The following REL variants were observed in gnomAD, a reference collection of about 807,000 sequenced individuals.
The protein encoded by REL is REL proto-oncogene, NF-kB subunit.
A neutral mutation model predicts 45.9 loss-of-function variants in REL; 15 were observed. The observed-to-expected ratio is 0.33, with a 90% CI of 0.22 to 0.50. The LOEUF is 0.50. Ranked by LOEUF, REL falls within the 20% of genes least tolerant of loss-of-function variation. The probability of loss-of-function intolerance (pLI) is 0.98; values close to 1 mark genes in which losing one functional copy is unlikely to be tolerated. For synonymous variants in REL, 239 were observed against 242.1 expected (o/e 0.99, Z 0.12); for missense variants, 601 against 715.2 (o/e 0.84, Z 1.82).
chr2:60,917,001 C>G lies in REL; in HGVS notation c.519C>G (p.Asn173Lys), dbSNP rs763494226. 6.2e-7 allele frequency: 1 copy of G among 1,612,676 alleles called. No homozygotes were observed. Among genetic ancestry groups the G allele is most frequent in the Admixed American group, 1.7e-5 (1 of 59,960 alleles). ...LTTALPPVVS[N>K]PIYDNRAPNT... is the part of the protein sequence containing the mutation. ...CTGCTCTTCCTCCTGTTGTCTCGAA[C>G]CCAATTTATGACAACCGTAAGTACT... The change falls in exon 5 of 10, where the codon AAC becomes AAG. Residue 173 changes from asparagine (N) to lysine (K), a missense_variant. Around this residue, in one of 4 missense-constraint regions of REL, gnomAD observed 241 missense variants for 347.0 expected, o/e 0.69. Coordinates refer to ENST00000394479, the MANE Select transcript of REL (RefSeq NM_001291746.2).
intron 4 of REL, among the ~76,000 whole-genome samples, chr2:60,915,122 C>T (rs776903189): frequency 2.6e-5 from 4 of 152,122 alleles, no homozygotes; most frequent in African/African-American, 4.8e-5. Context: ...TGAGCCACCA[C>T]GCCTGGCCAG....
chr2:60,916,740 G>T (rs947401492), intron 4 of REL, 137 bp from the exon 5 acceptor site: 21 of 542,388 alleles, frequency 3.9e-5, no homozygotes, highest in Middle Eastern at 4.8e-4. Context: ...TCTTGAGATT[G>T]TATACTGTTC....
intron 1 of REL, among the ~76,000 whole-genome samples, chr2:60,885,341 C>G (rs1414795983): frequency 6.6e-6 from 1 of 152,104 alleles, no homozygotes; most frequent in Non-Finnish European, 1.5e-5. Context: ...GTGATTTGGT[C>G]TTGCCATTTG....
chr2:60,882,194 C>A (rs1210362192), intron 1 of REL, among the ~76,000 whole-genome samples: 1 of 152,116 alleles, frequency 6.6e-6, no homozygotes, highest in East Asian at 1.9e-4. Flanking sequence ...TGTTTTAGAA[C>A]AGGAATGAGG....
Position 60,922,159 on chromosome 2 carries a change from C to G in REL, c.1388C>G (p.Ser463Cys). 1.2e-6 allele frequency: 2 copies of G among 1,614,070 alleles called. No individual in the cohort carries two copies. Among genetic ancestry groups the G allele is most frequent in the Non-Finnish European group, 1.7e-6 (2 of 1,179,994 alleles). The change falls in exon 10 of 10, where the codon TCT (serine) becomes TGT (cysteine). Residue 463 changes from serine (S) to cysteine (C), a missense_variant. This residue lies in a region of REL where 334 missense variants were observed against 333.1 expected (regional missense o/e 1.00). Transcript: ENST00000394479. ...GATCCCAACATGCTGTCTAATTGTT[C>G]TGTGAATATGATGACAACCAGCAGT... ...ISDPNMLSNC[S>C]VNMMTTSSDS...
chr2:60,904,051 A>G (rs952409650), intron 4 of REL, among the ~76,000 whole-genome samples: 1 of 152,176 alleles, frequency 6.6e-6, no homozygotes, highest in African/African-American at 2.4e-5. Context: ...ATTTTATTTC[A>G]TTTAATCCTT....
Position 60,923,142 on chromosome 2 carries a change from A to G in REL, c.*607A>G, listed in dbSNP as rs1417357695. On this transcript the variant is annotated 3_prime_UTR_variant, in exon 10 of 10. Transcript: ENST00000394479. ...AAGCAAATTTAAGATAAAACTTGTAATGGCTATGCCATTGAAAAACTTAAT... is the reference window on the plus strand; with the variant it reads ...AAGCAAATTTAAGATAAAACTTGTAGTGGCTATGCCATTGAAAAACTTAAT... 1 of 191,394 alleles carries G rather than the reference A, an allele frequency of 5.2e-6. No individual in the cohort carries two copies. Among genetic ancestry groups the G allele is most frequent in the Non-Finnish European group, 1.1e-5 (1 of 91,376 alleles). 11.9% of individuals were successfully genotyped at this position (191,394 alleles called of 1,614,324 possible).
intron 4 of REL, 25 bp from the exon 5 acceptor site, chr2:60,916,852 T>A (rs368224644): frequency 1.4e-4 from 220 of 1,589,462 alleles, no homozygotes; most frequent in African/African-American, 5.4e-4. Context: ...CTATTACATT[T>A]AAAAAATTTT....
intron 1 of REL, among the ~76,000 whole-genome samples, chr2:60,886,306 G>T (rs1673070781): frequency 6.6e-6 from 1 of 152,102 alleles, no homozygotes. Context: ...CTGTTCTAGG[G>T]ATTTCTTTGG....
intron 1 of REL, among the ~76,000 whole-genome samples, chr2:60,886,296 C>T (rs985292070): frequency 6.6e-6 from 1 of 152,138 alleles, no homozygotes; most frequent in Non-Finnish European, 1.5e-5. Context: ...AGTATGAACT[C>T]TGTTCTAGGG....
chr2:60,910,634 T>C (rs1673788238), intron 4 of REL, among the ~76,000 whole-genome samples: 1 of 152,122 alleles, frequency 6.6e-6, no homozygotes. Context: ...TTTCTGCAAA[T>C]GTTAAAACTG....
Position 60,918,635 on chromosome 2 carries a change from A to G in REL, c.853+29A>G, listed in dbSNP as rs947440462. 17 of 1,492,042 alleles carry G rather than the reference A, an allele frequency of 1.1e-5. 1 individual carries two copies. The highest frequency in any genetic ancestry group is 4.5e-5 in the South Asian group (4 of 88,364). 92.4% of individuals were successfully genotyped at this position (1,492,042 alleles called of 1,614,324 possible). Reference sequence around the variant, plus strand: ...TGACATTTTGCTGGTAATAATTTATATATTTCTTGAAGTGGTCCTGCTAAT... The same window carrying G: ...TGACATTTTGCTGGTAATAATTTATGTATTTCTTGAAGTGGTCCTGCTAAT... On this transcript the variant is annotated intron_variant, in intron 7 of 9. Coordinates refer to ENST00000394479, the MANE Select transcript of REL (RefSeq NM_001291746.2).
rs774660517 is a variant in REL, at chr2:60,918,173, A to G, written c.536-18A>G. 9.5e-6 allele frequency: 14 copies of G among 1,480,608 alleles called. No individual in the cohort carries two copies. The South Asian group carries it at 1.7e-4, about 18-fold the overall frequency. The allele number at this position is 1,480,608 out of a possible 1,614,324, so 91.7% of individuals were successfully genotyped here. On this transcript the variant is annotated intron_variant, in intron 5 of 9. Coordinates refer to ENST00000394479, the MANE Select transcript of REL (RefSeq NM_001291746.2). ...ACTAAGGTAGCAACTCATTTTTTTG[A>G]AAATCCTTTATATTTAGGTGCTCCA...
At chr2:60,907,066 C>T (rs1156294297) in intron 4 of REL, among the ~76,000 whole-genome samples, 1 of 151,388 alleles carries the variant, frequency 6.6e-6, no homozygotes, top group African/African-American at 2.4e-5. Flanking sequence ...ACTACAGGCA[C>T]GCGCCACCAT....
At chr2:60,901,286 G>C (rs905668123) in intron 4 of REL, among the ~76,000 whole-genome samples, 4 of 151,128 alleles carry the variant, frequency 2.6e-5, no homozygotes, top group African/African-American at 9.7e-5. Context: ...CTCAGCCTCC[G>C]GAGTAGCTGG....
chr2:60,896,639 A>G (rs1221952016), intron 3 of REL, among the ~76,000 whole-genome samples: 1 of 152,196 alleles, frequency 6.6e-6, no homozygotes. Context: ...ATCTAGTATT[A>G]TACACACTTG....
Position 60,924,916 on chromosome 2 carries a change from G to A in REL, c.*2381G>A. The A allele has an allele frequency of 4.7e-6, 1 of 213,026 alleles. No homozygotes were observed. The highest frequency in any genetic ancestry group is 9.5e-6 in the Non-Finnish European group (1 of 105,226). The allele number at this position is 213,026 out of a possible 1,614,324, so 13.2% of individuals were successfully genotyped here. A position where few individuals can be genotyped will look rare whatever the true frequency, so the allele number is the denominator to read the frequency against. ...ATAGCTGTAACATTACACTTTATTTGCTGTTTGTGTTTCGTGACTTTTGGT... is the reference window on the plus strand; with the variant it reads ...ATAGCTGTAACATTACACTTTATTTACTGTTTGTGTTTCGTGACTTTTGGT... On this transcript the variant is annotated 3_prime_UTR_variant, in exon 10 of 10. Transcript: ENST00000394479.
intron 3 of REL, among the ~76,000 whole-genome samples, chr2:60,894,851 C>CTTTTTTTTTTTTTTTTT (rs558726227): frequency 9.4e-6 from 1 of 106,760 alleles, no homozygotes; most frequent in South Asian, 3.2e-4. Context: ...TTCACTCTGT[C>CTTTTTTTTTTTTTTTTT]TTTTTTTTTT....
intron 4 of REL, among the ~76,000 whole-genome samples, chr2:60,906,913 A>ATATATATTT (rs1311506982): frequency 4.8e-4 from 50 of 104,306 alleles, no homozygotes; most frequent in Non-Finnish European, 7.9e-4. Flanking sequence ...ATATATATAT[A>ATATATATTT]TTTTTTTTTT....
Sources: allele counts gnomAD v4.1 joint callset (sites outside exome capture counted in the v4.1 genomes callset), GRCh38; gene constraint gnomAD v4.1.1; regional missense constraint gnomAD v4.1.1; transcripts MANE v1.5; gene names NCBI Gene and HGNC (gene_info 2026-07-23, HGNC 2026-07-21).